Variants in DAZAP1 observed in about 807,000 individuals in gnomAD.
DAZAP1 encodes DAZ-associated protein 1.
In DAZAP1, 6 loss-of-function variants were observed where a neutral mutation model predicts 60.1. The ratio of observed to expected loss-of-function variants is 0.10; its 90% CI spans 0.05 to 0.20. The LOEUF (loss-of-function observed/expected upper bound fraction) is 0.20. Among genes scored for constraint, DAZAP1 ranks in the 10% least tolerant of loss-of-function variants. The pLI, the probability that DAZAP1 is intolerant of heterozygous loss-of-function variation, is 1.00. For synonymous variants in DAZAP1, 235 were observed against 215.9 expected (o/e 1.09, Z -0.78); for missense variants, 366 against 560.4 (o/e 0.65, Z 3.50).
In DAZAP1 at chr19:1,434,023, C is replaced by G. The variant is rs2083527849; in HGVS notation, c.1049-714C>G. 3 of 594,162 alleles carry G rather than the reference C, an allele frequency of 5.0e-6. No homozygotes were observed. The highest frequency in any genetic ancestry group is 1.9e-5 in the African/African-American group (1 of 53,558). 36.8% of individuals were successfully genotyped at this position (594,162 alleles called of 1,614,324 possible). A position where few individuals can be genotyped will look rare whatever the true frequency, so the allele number is the denominator to read the frequency against. ...AGAGAGAGCCCACGCCCACCTGTGC[C>G]CACGTGCACCCGAATGGGAACCCAG... On this transcript the variant is annotated intron_variant, in intron 11 of 11. Transcript: ENST00000233078. This position sits in a 1 kb window ranked among gnomAD's most constrained non-coding sequence, Gnocchi z 8.0.
intron 1 of DAZAP1, among the ~76,000 whole-genome samples, chr19:1,413,350 C>T (rs908172506): frequency 5.3e-5 from 8 of 152,224 alleles, no homozygotes; most frequent in East Asian, 1.9e-4. Context: ...CCCAGGGCTC[C>T]GCATGTTTCT....
chr19:1,424,691 G>A (rs1257361490), intron 6 of DAZAP1, among the ~76,000 whole-genome samples: 1 of 152,216 alleles, frequency 6.6e-6, no homozygotes, highest in East Asian at 1.9e-4. Context: ...GTGCTGCGCT[G>A]TCCCCTGCTG....
intron 8 of DAZAP1, among the ~76,000 whole-genome samples, chr19:1,429,244 G>A (rs905315482): frequency 5.9e-5 from 9 of 152,242 alleles, no homozygotes; most frequent in African/African-American, 1.9e-4. Context: ...CATTGTCACC[G>A]GGAAGAGCTG....
Position 1,418,528 on chromosome 19 carries a change from C to T in DAZAP1, c.238-138C>T. On this transcript the variant is annotated intron_variant, in intron 3 of 11. Coordinates refer to ENST00000233078, the MANE Select transcript of DAZAP1 (RefSeq NM_018959.4). The surrounding 1 kb of genome is among the most constrained non-coding windows in gnomAD (Gnocchi z 5.7). ...GCCTTGGTGCTGAGGCTGGATATTG[C>T]AGGAGGATACAGGGTGAATGGAGCC... The T allele has an allele frequency of 7.0e-7, 1 of 1,419,520 alleles. No individual in the cohort carries two copies. The highest frequency in any genetic ancestry group is 9.9e-7 in the Non-Finnish European group (1 of 1,010,934). 87.9% of individuals were successfully genotyped at this position (1,419,520 alleles called of 1,614,324 possible). A position where few individuals can be genotyped will look rare whatever the true frequency, so the allele number is the denominator to read the frequency against.
In DAZAP1 at chr19:1,418,728, A is replaced by T; in HGVS notation, c.300A>T (p.Gly100=). 6.2e-7 allele frequency: 1 copy of T among 1,610,612 alleles called. No individual in the cohort carries two copies. Among genetic ancestry groups the T allele is most frequent in the Non-Finnish European group, 8.5e-7 (1 of 1,178,160 alleles). Residue 100 remains glycine, a synonymous_variant, in exon 4 of 12, where the codon GGA becomes GGT. Transcript: ENST00000233078. This position sits in a 1 kb window ranked among gnomAD's most constrained non-coding sequence, Gnocchi z 5.7. ...MQPERTRPKE[G]WQKGPRSDNS... ...CGGAGAGAACACGGCCGAAGGAAGGATGGGTAAGGGGCTGGGCCGGGCGGC... is the reference window on the plus strand; with the variant it reads ...CGGAGAGAACACGGCCGAAGGAAGGTTGGGTAAGGGGCTGGGCCGGGCGGC...
intron 1 of DAZAP1, among the ~76,000 whole-genome samples, chr19:1,414,643 G>A (rs1209629332): frequency 2.6e-5 from 4 of 151,962 alleles, no homozygotes; most frequent in Admixed American, 2.6e-4. Context: ...GGCTGAGGCA[G>A]GAGAATCGCT....
intron 1 of DAZAP1, among the ~76,000 whole-genome samples, chr19:1,410,818 G>A (rs1182998548): frequency 6.6e-6 from 1 of 152,228 alleles, no homozygotes; most frequent in Non-Finnish European, 1.5e-5. Flanking sequence ...ATTTTATCTG[G>A]TACACTGGGG....
At chr19:1,407,980 G>A (rs971966587) in intron 1 of DAZAP1, among the ~76,000 whole-genome samples, 178 bp downstream of exon 1, 1 of 151,292 alleles carries the variant, frequency 6.6e-6, no homozygotes, top group Non-Finnish European at 1.5e-5. Flanking sequence ...GGGTGCCCGG[G>A]GTCTGGGGGG....
Position 1,418,366 on chromosome 19 carries a change from G to A in DAZAP1, c.233G>A (p.Arg78Gln). ...LASRPHTLDG[R>Q]NIDPKPCTPR... Reference sequence around the variant, plus strand: ...AGCAGACCGCACACGCTAGATGGCCGAAACGTAAGTGCCCTTCCGGGAGCT... The same window carrying A: ...AGCAGACCGCACACGCTAGATGGCCAAAACGTAAGTGCCCTTCCGGGAGCT... Residue 78 changes from arginine to glutamine, a missense_variant, in exon 3 of 12, where the codon CGA (arginine) becomes CAA (glutamine). Arg to Gln is a conservative substitution (Grantham distance 43). This residue lies in a region of DAZAP1 where 98 missense variants were observed against 155.3 expected (regional missense o/e 0.63). Coordinates refer to ENST00000233078, the MANE Select transcript of DAZAP1 (RefSeq NM_018959.4). The surrounding 1 kb of genome is among the most constrained non-coding windows in gnomAD (Gnocchi z 5.7). 6.2e-7 allele frequency: 1 copy of A among 1,612,486 alleles called. No individual in the cohort carries two copies. The highest frequency in any genetic ancestry group is 8.5e-7 in the Non-Finnish European group (1 of 1,178,832).
rs751949656 is a variant in DAZAP1, at chr19:1,433,485, C to T, written c.1048+795C>T. The T allele has an allele frequency of 9.4e-6, 5 of 530,956 alleles. No homozygotes were observed. The highest frequency in any genetic ancestry group is 4.4e-5 in the South Asian group (2 of 45,536). The allele number at this position is 530,956 out of a possible 1,614,324, so 32.9% of individuals were successfully genotyped here. A position where few individuals can be genotyped will look rare whatever the true frequency, so the allele number is the denominator to read the frequency against. ...CGCTTCCTCTAGGCCTGGTGGAGGCCGGGGTGTGGGAGCTGTGTTCGGCCG... is the reference window on the plus strand; with the variant it reads ...CGCTTCCTCTAGGCCTGGTGGAGGCTGGGGTGTGGGAGCTGTGTTCGGCCG... On this transcript the variant is annotated intron_variant, in intron 11 of 11. Transcript: ENST00000233078. This position sits in a 1 kb window ranked among gnomAD's most constrained non-coding sequence, Gnocchi z 6.1.
chr19:1,430,645 A>G (rs549520295), intron 10 of DAZAP1, among the ~76,000 whole-genome samples: 1 of 152,062 alleles, frequency 6.6e-6, no homozygotes, highest in East Asian at 1.9e-4. Flanking sequence ...CTCAGGAGAC[A>G]GAGCCTGGAC....
chr19:1,409,891 G>C (rs1424526586), intron 1 of DAZAP1: 4 of 152,318 alleles, frequency 2.6e-5, no homozygotes, highest in African/African-American at 9.6e-5. Flanking sequence ...CCCTCTTCCT[G>C]ATGCAGAGCC....
chr19:1,415,884 G>T (rs997816680), intron 1 of DAZAP1: 12 of 152,194 alleles, frequency 7.9e-5, no homozygotes, highest in African/African-American at 2.9e-4. Flanking sequence ...ACCGAAGAAC[G>T]GGGCTGGGGG....
At chr19:1,411,990 G>A (rs992294539) in intron 1 of DAZAP1, among the ~76,000 whole-genome samples, 15 of 152,212 alleles carry the variant, frequency 9.9e-5, no homozygotes, top group African/African-American at 3.1e-4. Context: ...CCAGTCATTC[G>A]ACAGATGCTT....
intron 1 of DAZAP1, among the ~76,000 whole-genome samples, chr19:1,414,484 C>G (rs1338814810): frequency 6.6e-6 from 1 of 152,256 alleles, no homozygotes; most frequent in South Asian, 2.1e-4. Flanking sequence ...CAGCTACTCA[C>G]GCCTGTCATC....
rs956173897 is a variant in DAZAP1, at chr19:1,434,321, C to T, written c.1049-416C>T. 7.2e-5 allele frequency: 15 copies of T among 208,474 alleles called. No individual in the cohort carries two copies. The highest frequency in any genetic ancestry group is 4.5e-4 in the East Asian group (3 of 6,730). The allele number at this position is 208,474 out of a possible 1,614,324, so 12.9% of individuals were successfully genotyped here. A position where few individuals can be genotyped will look rare whatever the true frequency, so the allele number is the denominator to read the frequency against. On this transcript the variant is annotated intron_variant, in intron 11 of 11. Coordinates refer to ENST00000233078, the MANE Select transcript of DAZAP1 (RefSeq NM_018959.4). The surrounding 1 kb of genome is among the most constrained non-coding windows in gnomAD (Gnocchi z 8.0). ...TGCGACGGAGGGGCAGGCCCTGTAT[C>T]GCTGCAAGGGCCCGTCAGGGGTTTT... is the stretch of plus-strand genomic sequence containing the variant.
chr19:1,426,107 G>A lies in DAZAP1; in HGVS notation c.546+147G>A, dbSNP rs2083298276. ...TGCTGCGTGAGGTGGGCCTGGGTCT[G>A]TAGACGTGAGGAGGGTCCCATCCTT... is the stretch of plus-strand genomic sequence containing the variant. On this transcript the variant is annotated intron_variant, in intron 7 of 11. Transcript: ENST00000233078. The surrounding 1 kb of genome is among the most constrained non-coding windows in gnomAD (Gnocchi z 5.4). 1.5e-6 allele frequency: 1 copy of A among 680,738 alleles called. No individual in the cohort carries two copies. The highest frequency in any genetic ancestry group is 2.7e-6 in the Non-Finnish European group (1 of 371,116). 42.2% of individuals were successfully genotyped at this position (680,738 alleles called of 1,614,324 possible).
Position 1,430,263 on chromosome 19 carries a change from C to CCCCCCCCCCCCCCG in DAZAP1, c.773_774insCCCCCCCCCCCCGC (p.Phe262ProfsTer78). On this transcript the variant is annotated frameshift_variant, in exon 10 of 12. Coordinates refer to ENST00000233078, the MANE Select transcript of DAZAP1 (RefSeq NM_018959.4). LOFTEE classifies it high-confidence loss of function. ...CCCTGCAGGAAGAGGAGCCCCCCCG[C>CCCCCCCCCCCCCCG]CACCCCCACCGTTCACCTCCTACAT... 1 of 1,264,384 alleles carries CCCCCCCCCCCCCCG rather than the reference C, an allele frequency of 7.9e-7. No individual in the cohort carries two copies. The highest frequency in any genetic ancestry group is 1.1e-6 in the Non-Finnish European group (1 of 894,292). 78.3% of individuals were successfully genotyped at this position (1,264,384 alleles called of 1,614,324 possible).
At chr19:1,409,902 C>G (rs1286869551) in intron 1 of DAZAP1, 1 of 152,514 alleles carries the variant, frequency 6.6e-6, no homozygotes, top group East Asian at 1.9e-4. Context: ...ATGCAGAGCC[C>G]TCACTGCTCA....
Sources: gnomAD v4.1 joint callset for allele counts (sites outside exome capture counted in the v4.1 genomes callset) on GRCh38, gnomAD v4.1.1 for gene constraint, gnomAD v4.1.1 regional missense constraint, Gnocchi (gnomAD v3.1) non-coding constraint, MANE v1.5 for transcripts, NCBI Gene and HGNC (gene_info 2026-07-23, HGNC 2026-07-21) for gene names.